IFT80: variants seen among roughly 807,000 people sequenced by gnomAD.
The protein encoded by IFT80 is intraflagellar transport 80.
In IFT80, 79 loss-of-function variants were observed where a neutral mutation model predicts 107.9. The ratio of observed to expected loss-of-function variants is 0.73; its 90% CI spans 0.61 to 0.88. The LOEUF is 0.88. Ranked by LOEUF, IFT80 falls within the 40% of genes least tolerant of loss-of-function variation. The pLI, the probability that IFT80 is intolerant of heterozygous loss-of-function variation, is 0.00. For synonymous variants in IFT80, 299 were observed against 300.9 expected, an observed-to-expected ratio of 0.99 and a Z score of 0.07; for missense variants, 797 against 914.2, an observed-to-expected ratio of 0.87 and a Z score of 1.65.
rs115428427 is a variant in IFT80 at position 160,361,613 on chromosome 3, C to A, written c.550-4035G>T. On this transcript the variant is annotated intron_variant, in intron 6 of 19. Transcript: ENST00000326448. ...ACACCACACTTATTCCAAAATTGAC[C>A]GCATAGCAGGAAGTAAAGCACTCCT... 1.2e-4 allele frequency among the ~76,000 whole-genome samples: 18 copies of A among 152,212 alleles called. No individual in the cohort carries two copies. In the South Asian group the frequency reaches 3.5e-3, roughly 30 times the overall value.
intron 8 of IFT80, among the ~76,000 whole-genome samples, chr3:160,335,154 T>C (rs1719370447): frequency 1.3e-5 from 2 of 152,078 alleles, no homozygotes; most frequent in Admixed American, 6.6e-5. Context: ...CCTCTTTTTT[T>C]TTTTTGAGAT....
intron 1 of IFT80, among the ~76,000 whole-genome samples, chr3:160,397,218 G>A (rs1713846617): frequency 6.6e-6 from 1 of 152,064 alleles, no homozygotes; most frequent in African/African-American, 2.4e-5. Flanking sequence ...CTCACTTACT[G>A]TTATATAGTA....
At position 160,396,547 on chromosome 3, in the gene IFT80, C is replaced by T. The variant is rs557039436; in HGVS notation, c.-47+2599G>A. 2.4e-3 allele frequency among the ~76,000 whole-genome samples: 358 copies of T among 152,156 alleles called. 4 individuals are homozygous for T. Among genetic ancestry groups the T allele is most frequent in the African/African-American group, 8.0e-3 (331 of 41,530 alleles). On this transcript the variant is annotated intron_variant, in intron 1 of 19. Coordinates refer to ENST00000326448, the MANE Select transcript of IFT80 (RefSeq NM_020800.3). The stretch of plus-strand genomic sequence containing the variant: ...GATTTTAATTCTAATTCCAATTTTT[C>T]TCTTTGAACTTATTTCTTCCTGTGG...
chr3:160,326,640 A>G (rs1043492453), intron 8 of IFT80, among the ~76,000 whole-genome samples: 11 of 152,132 alleles, frequency 7.2e-5, no homozygotes, highest in African/African-American at 1.4e-4. Context: ...CATGTTAAAA[A>G]CTCTCAATAA....
At chr3:160,396,329 C>T (rs773758318) in intron 1 of IFT80, among the ~76,000 whole-genome samples, 1 of 147,280 alleles carries the variant, frequency 6.8e-6, no homozygotes, top group Non-Finnish European at 1.5e-5. Flanking sequence ...AATATTTATA[C>T]AATACTTACA....
chr3:160,343,762 T>C, intron 8 of IFT80: 1 of 357,162 alleles, frequency 2.8e-6, no homozygotes, highest in Non-Finnish European at 5.5e-6. Context: ...CTCATTACCA[T>C]TTAAAATATG....
rs748476685 is a variant in IFT80, at chr3:160,303,995, A to T, written c.1077-6T>A. On this transcript the variant is annotated splice_polypyrimidine_tract_variant and splice_region_variant and intron_variant, in intron 10 of 19. Coordinates refer to ENST00000326448, the MANE Select transcript of IFT80 (RefSeq NM_020800.3). ...GTGTGTTCCAGTTCTTCGTGCTAAA[A>T]GACAAGTAAAATGGATATTTATTAA... 1 of 1,580,598 alleles carries T rather than the reference A, an allele frequency of 6.3e-7. No homozygotes were observed. Among genetic ancestry groups the T allele is most frequent in the East Asian group, 2.2e-5 (1 of 44,566 alleles).
intron 8 of IFT80, among the ~76,000 whole-genome samples, chr3:160,325,001 G>A (rs1184654864): frequency 6.7e-6 from 1 of 150,116 alleles, no homozygotes; most frequent in Non-Finnish European, 1.5e-5. Context: ...CAAACAGAGA[G>A]CCAAATCATG....
chr3:160,372,678 C>T (rs961810775), intron 5 of IFT80, among the ~76,000 whole-genome samples: 2 of 152,080 alleles, frequency 1.3e-5, no homozygotes, highest in African/African-American at 2.4e-5. Context: ...TTTAATTCTG[C>T]TTATTAATCC....
intron 8 of IFT80, among the ~76,000 whole-genome samples, chr3:160,324,210 A>G (rs187346261): frequency 6.6e-6 from 1 of 152,128 alleles, no homozygotes; most frequent in African/African-American, 2.4e-5. Flanking sequence ...ACAAGGAGGA[A>G]CTGGTACCAT....
At chr3:160,261,818 AG>A (rs200856352) in intron 19 of IFT80, among the ~76,000 whole-genome samples, 3 of 149,888 alleles carry the variant, frequency 2.0e-5, no homozygotes, top group South Asian at 2.1e-4. Flanking sequence ...AAAAAAAAAA[AG>A]GGGGACCTGA....
At chr3:160,332,002 C>T (rs868399300) in intron 8 of IFT80, among the ~76,000 whole-genome samples, 30 of 143,786 alleles carry the variant, frequency 2.1e-4, no homozygotes, top group Admixed American at 9.9e-4. Context: ...GTCATATGTC[C>T]TATAAAATTT....
chr3:160,270,204 T>G (rs568587934), intron 18 of IFT80, among the ~76,000 whole-genome samples: 1 of 152,366 alleles, frequency 6.6e-6, no homozygotes, highest in East Asian at 1.9e-4. Flanking sequence ...TTTCACCACA[T>G]TGGCCAGGCT....
chr3:160,378,000 A>C (rs1281106399), intron 3 of IFT80: 3 of 152,984 alleles, frequency 2.0e-5, no homozygotes, highest in African/African-American at 7.2e-5. Context: ...TATTCTTTGC[A>C]CTGTTGACTT....
intron 8 of IFT80, among the ~76,000 whole-genome samples, chr3:160,331,899 C>T (rs983084475): frequency 1.3e-5 from 2 of 152,102 alleles, no homozygotes; most frequent in African/African-American, 4.8e-5. Context: ...TCAAGTGATC[C>T]TCCCGCTTTG....
intron 14 of IFT80, 96 bp from the exon 15 acceptor site, chr3:160,280,910 T>C (rs934545824): frequency 5.2e-5 from 55 of 1,067,176 alleles, no homozygotes; most frequent in Non-Finnish European, 3.5e-5. Flanking sequence ...TCCCATACAA[T>C]TTCTGGTAGA....
chr3:160,276,419 T>C (rs1714271407), intron 18 of IFT80, among the ~76,000 whole-genome samples: 1 of 152,202 alleles, frequency 6.6e-6, no homozygotes, highest in Non-Finnish European at 1.5e-5. Context: ...TAAGGAAGTT[T>C]AACTAAAGAG....
At chr3:160,270,797 A>G (rs966186480) in intron 18 of IFT80, among the ~76,000 whole-genome samples, 11 of 152,122 alleles carry the variant, frequency 7.2e-5, no homozygotes, top group Admixed American at 7.2e-4. Context: ...GTGGAGACTG[A>G]TGAGCTACTT....
rs34052180 is a variant in IFT80, at chr3:160,375,576, T to TA, written c.439+235dup. ...CTGCCTTTCTAGAGATTCACTAACATAAAAAAAAGCCCTTGAGTATTTCCT... is the reference window on the plus strand; with the variant it reads ...CTGCCTTTCTAGAGATTCACTAACATAAAAAAAAAGCCCTTGAGTATTTCCT... On this transcript the variant is annotated intron_variant, in intron 5 of 19. Coordinates refer to ENST00000326448, the MANE Select transcript of IFT80 (RefSeq NM_020800.3). 1.8e-4 allele frequency among the ~76,000 whole-genome samples: 27 copies of TA among 151,808 alleles called. No homozygotes were observed. The South Asian group carries it at 3.5e-3, about 20-fold the overall frequency.
Sources: allele counts gnomAD v4.1 joint callset (sites outside exome capture counted in the v4.1 genomes callset), GRCh38; gene constraint gnomAD v4.1.1; transcripts MANE v1.5; gene names NCBI Gene and HGNC (gene_info 2026-07-23, HGNC 2026-07-21).